Variants in HLA-F observed in about 807,000 individuals in gnomAD.
The protein encoded by HLA-F is major histocompatibility complex, class I, F, also known as HLA class I histocompatibility antigen, alpha chain F.
In HLA-F, 46 loss-of-function variants were observed where a neutral mutation model predicts 49.5. The observed-to-expected ratio is 0.93, with a 90% CI of 0.73 to 1.19. The LOEUF (loss-of-function observed/expected upper bound fraction) is 1.19, where lower values mean the gene tolerates loss of function less well. HLA-F is among the 50% of genes most tolerant of loss of function. The pLI, the probability that HLA-F is intolerant of heterozygous loss-of-function variation, is 0.00. For synonymous variants in HLA-F, 203 were observed against 233.5 expected, an observed-to-expected ratio of 0.87 and a Z score of 1.19; for missense variants, 496 against 579.6, an observed-to-expected ratio of 0.86 and a Z score of 1.48.
intron 3 of HLA-F, chr6:29,735,200 C>T (rs1776949546): frequency 6.7e-6 from 1 of 149,542 alleles, no homozygotes; most frequent in African/African-American, 2.5e-5. Context: ...CACACACACA[C>T]ACACACATAT....
intron 3 of HLA-F, chr6:29,735,916 A>G (rs1427890536): frequency 1.3e-5 from 2 of 152,158 alleles, no homozygotes; most frequent in Non-Finnish European, 2.9e-5. Flanking sequence ...CTGATTCTCC[A>G]TTCTGCATGG....
downstream of HLA-F, chr6:29,728,916 G>A (rs1293355731): frequency 6.6e-6 from 1 of 152,076 alleles, no homozygotes; most frequent in African/African-American, 2.4e-5. Context: ...GAATTTCCTT[G>A]GATTCCTGAG....
At chr6:29,723,624 G>A in intron 1 of HLA-F, 34 bp from the exon 2 acceptor site, 2 of 1,603,714 alleles carry the variant, frequency 1.2e-6, no homozygotes, top group Non-Finnish European at 1.7e-6. Context: ...TCCGGAGGAG[G>A]GTCTGGCGGG....
chr6:29,731,551 C>T (rs1776616412), downstream of HLA-F, among the ~76,000 whole-genome samples: 1 of 151,928 alleles, frequency 6.6e-6, no homozygotes, highest in Non-Finnish European at 1.5e-5. Flanking sequence ...GAAAATTTGA[C>T]TCCTTTCTGC....
chr6:29,738,177 GT>G (rs985098569), exon 4 of HLA-F: 2 of 152,378 alleles, frequency 1.3e-5, no homozygotes, highest in African/African-American at 4.8e-5. Flanking sequence ...AAGAGGGACA[GT>G]TGGATCTCAG....
chr6:29,723,552 C>A (rs774542387), intron 1 of HLA-F, 25 bp downstream of exon 1: 2 of 1,607,164 alleles, frequency 1.2e-6, no homozygotes, highest in Admixed American at 3.5e-5. Flanking sequence ...CAGAGAGAAA[C>A]GGCCTCTGTG....
downstream of HLA-F, among the ~76,000 whole-genome samples, chr6:29,730,132 AT>A (rs1776445023): frequency 6.6e-6 from 1 of 152,240 alleles, no homozygotes; most frequent in Non-Finnish European, 1.5e-5. Flanking sequence ...TAGCAGCACT[AT>A]TCCCAATGGC....
intron 3 of HLA-F, chr6:29,736,403 T>G: frequency 2.2e-6 from 1 of 453,932 alleles, no homozygotes; most frequent in Non-Finnish European, 4.4e-6. Flanking sequence ...GGACTAATTT[T>G]TTCCAATGCA....
chr6:29,732,303 A>G (rs559340730), intron 3 of HLA-F, among the ~76,000 whole-genome samples: 1 of 152,296 alleles, frequency 6.6e-6, no homozygotes, highest in East Asian at 1.9e-4. Flanking sequence ...TCCCAACCAC[A>G]GGAGAATCTT....
At chr6:29,729,851 T>C (rs1021419874), downstream of HLA-F, among the ~76,000 whole-genome samples, 15 of 152,090 alleles carry the variant, frequency 9.9e-5, no homozygotes, top group Middle Eastern at 3.4e-3. Flanking sequence ...AATAGACAAT[T>C]CTCCAAAGAA....
In HLA-F at chr6:29,723,945, G is replaced by A; in HGVS notation, c.334+18G>A. On this transcript the variant is annotated intron_variant, in intron 2 of 6. Coordinates refer to ENST00000259951, the MANE Select transcript of HLA-F (RefSeq NM_001098479.2). ...CGAGGCTGGTGAGTGAACCCGGCCG[G>A]GGGCGCAGGTCACGACCACCCCCCA... 6.3e-7 allele frequency: 1 copy of A among 1,582,882 alleles called. No homozygotes were observed. Among genetic ancestry groups the A allele is most frequent in the Non-Finnish European group, 8.6e-7 (1 of 1,164,848 alleles).
rs778048464 is a variant in HLA-F at position 29,724,175 on chromosome 6, T to G, written c.337T>G (p.Ser113Ala). The G allele has an allele frequency of 6.2e-7, 1 of 1,612,366 alleles. No individual in the cohort carries two copies. Residue 113 changes from serine (S) to alanine (A), a missense_variant and splice_region_variant, in exon 3 of 7, where the codon TCT becomes GCT. Coordinates refer to ENST00000259951, the MANE Select transcript of HLA-F (RefSeq NM_001098479.2). Reference protein sequence around the residue: ...LRRYNQSEAGSHTLQGMNGCD... With the variant: ...LRRYNQSEAGAHTLQGMNGCD... ...GGCTGACTGCGGGGACCGGCTAGGG[T>G]CTCACACCCTCCAGGGAATGAATGG...
At chr6:29,732,040 C>T (rs1288406183), downstream of HLA-F, among the ~76,000 whole-genome samples, 1 of 152,230 alleles carries the variant, frequency 6.6e-6, no homozygotes, top group Non-Finnish European at 1.5e-5. Flanking sequence ...TCACAGCTCA[C>T]TTCAGCCTCA....
chr6:29,725,033 C>T lies in HLA-F; in HGVS notation c.613C>T (p.Pro205Ser). 2 of 1,612,766 alleles carry T rather than the reference C, an allele frequency of 1.2e-6. No homozygotes were observed. Among genetic ancestry groups the T allele is most frequent in the Non-Finnish European group, 1.7e-6 (2 of 1,179,244 alleles). The change falls in exon 4 of 7, where the codon CCT (proline) becomes TCT (serine). Residue 205 changes from proline (P) to serine (S), a missense_variant and splice_region_variant. Physicochemically the swap from Pro to Ser is moderately conservative, Grantham distance 74. Transcript: ENST00000259951. ...CTGAATTTTCTGACTCTTCTCAGAT[C>T]CTCCAAAGGCACACGTTGCCCACCA... is the stretch of plus-strand genomic sequence containing the variant. ...NGKETLQRAD[P>S]PKAHVAHHPI... is the part of the protein sequence containing the mutation.
intron 3 of HLA-F, 36 bp from the exon 4 acceptor site, chr6:29,724,995 G>A (rs1775861441): frequency 1.9e-6 from 3 of 1,601,142 alleles, no homozygotes; most frequent in Admixed American, 1.7e-5. Context: ...TTCCCATGAG[G>A]AGTGCAAAGT....
intron 6 of HLA-F, 45 bp from the exon 7 acceptor site, chr6:29,726,838 C>T (rs781579085): frequency 6.3e-7 from 1 of 1,594,040 alleles, no homozygotes. Context: ...GCTTTAACAT[C>T]CACAGTGAAC....
intron 2 of HLA-F, 86 bp from the exon 3 acceptor site, chr6:29,724,087 A>T (rs765009213): frequency 6.4e-7 from 1 of 1,571,866 alleles, no homozygotes; most frequent in Non-Finnish European, 8.6e-7. Flanking sequence ...ACCCAGGTTC[A>T]TTTTCAGTTT....
chr6:29,733,184 G>A (rs1776772442), intron 3 of HLA-F, among the ~76,000 whole-genome samples: 1 of 146,232 alleles, frequency 6.8e-6, no homozygotes, highest in Non-Finnish European at 1.5e-5. Context: ...GTGAAATTGT[G>A]TTTCAGAAAC....
At chr6:29,737,218 CAAAAAAAA>C (rs3030698) in intron 3 of HLA-F, among the ~76,000 whole-genome samples, 9 of 65,196 alleles carry the variant, frequency 1.4e-4, no homozygotes, top group East Asian at 1.1e-3. Flanking sequence ...ATCCTCATGG[CAAAAAAAA>C]AAAAAAAAAA....
Sources: gnomAD v4.1 joint callset for allele counts (sites outside exome capture counted in the v4.1 genomes callset) on GRCh38, gnomAD v4.1.1 for gene constraint, MANE v1.5 for transcripts, NCBI Gene and HGNC (gene_info 2026-07-23, HGNC 2026-07-21) for gene names.